The following SLC10A7 variants were observed in gnomAD, a reference collection of about 807,000 sequenced individuals.
SLC10A7 encodes the protein solute carrier family 10 member 7.
Under a neutral mutation model 43.2 loss-of-function variants are expected in SLC10A7, and 29 were observed. That is an observed-to-expected ratio of 0.67 (90% confidence interval 0.50 to 0.92). The LOEUF (loss-of-function observed/expected upper bound fraction) is 0.92. SLC10A7 is among the 40% of genes least tolerant of loss of function. The pLI is 0.00. For missense variants in SLC10A7, 295 were observed against 403.2 expected, an observed-to-expected ratio of 0.73 and a Z score of 2.30; for synonymous variants, 152 against 144.8, an observed-to-expected ratio of 1.05 and a Z score of -0.35.
Position 146,266,545 on chromosome 4 carries a change from G to C in SLC10A7, c.848-7708C>G, listed in dbSNP as rs77924232. On this transcript the variant is annotated intron_variant, in intron 10 of 11. Coordinates refer to ENST00000335472, the MANE Select transcript of SLC10A7 (RefSeq NM_001029998.6). ...GATTTATCTCAAATAACTAAACAAA[G>C]GGGCAATTATACATTTTTTAGAGTA... 1.4e-3 allele frequency among the ~76,000 whole-genome samples: 209 copies of C among 152,184 alleles called. 2 individuals carry two copies. The East Asian group carries it at 0.024, about 18-fold the overall frequency.
chr4:146,414,697 T>C (rs1206783269), intron 5 of SLC10A7, among the ~76,000 whole-genome samples: 1 of 149,384 alleles, frequency 6.7e-6, no homozygotes, highest in East Asian at 1.9e-4. Flanking sequence ...CATACCAGCC[T>C]GGGAGAAAAA....
At chr4:146,455,166 A>G (rs568306765) in intron 4 of SLC10A7, among the ~76,000 whole-genome samples, 69 of 151,978 alleles carry the variant, frequency 4.5e-4, no homozygotes, top group African/African-American at 1.5e-3. Context: ...ATAGAGTACC[A>G]ACTCACAGTC....
At chr4:146,486,390 C>T (rs1046196478) in intron 4 of SLC10A7, among the ~76,000 whole-genome samples, 6 of 152,094 alleles carry the variant, frequency 3.9e-5, no homozygotes, top group Admixed American at 2.0e-4. Flanking sequence ...AATCATTTAA[C>T]AAGCTATTTT....
intron 5 of SLC10A7, among the ~76,000 whole-genome samples, chr4:146,414,993 A>G (rs894735060): frequency 1.3e-5 from 2 of 152,196 alleles, no homozygotes; most frequent in Admixed American, 1.3e-4. Context: ...AGAGAAGGAT[A>G]GCTTAATAAT....
Position 146,325,946 on chromosome 4 carries a change from C to T in SLC10A7, c.471+15G>A, listed in dbSNP as rs1733073268. On this transcript the variant is annotated intron_variant, in intron 6 of 11. Transcript: ENST00000335472. ...TTTTAATAAAATATATTAAAGACAA[C>T]ATCAAAATACTCACAAAAAGCAGCA... 6.2e-7 allele frequency: 1 copy of T among 1,607,108 alleles called. No individual in the cohort carries two copies. Among genetic ancestry groups the T allele is most frequent in the Non-Finnish European group, 8.5e-7 (1 of 1,175,572 alleles).
intron 5 of SLC10A7, among the ~76,000 whole-genome samples, chr4:146,384,991 C>T (rs955907377): frequency 2.6e-5 from 4 of 152,126 alleles, no homozygotes; most frequent in African/African-American, 9.6e-5. Flanking sequence ...ATCAACTACC[C>T]TTACTGAAAA....
At position 146,258,769 on chromosome 4, in the gene SLC10A7, T is replaced by G; in HGVS notation, c.916A>C (p.Ile306Leu). 3.7e-6 allele frequency: 6 copies of G among 1,611,034 alleles called. No individual in the cohort carries two copies. The highest frequency in any genetic ancestry group is 5.1e-6 in the Non-Finnish European group (6 of 1,179,404). The change falls in exon 11 of 12, where the codon ATC becomes CTC. Residue 306 changes from isoleucine (I) to leucine (L), a missense_variant. Coordinates refer to ENST00000335472, the MANE Select transcript of SLC10A7 (RefSeq NM_001029998.6). ...HLSLISVPLL[I>L]YHPAQILLGS... is the part of the protein sequence containing the mutation. ...AGAAGGATCTGAGCTGGGTGGTAGA[T>G]GAGCAAGGGTACAGATATTAAAGAG...
intron 7 of SLC10A7, among the ~76,000 whole-genome samples, chr4:146,299,899 T>C (rs1731046357): frequency 6.6e-6 from 1 of 151,854 alleles, no homozygotes; most frequent in African/African-American, 2.4e-5. Flanking sequence ...GCAGGTAAAA[T>C]GGAGAGGTGA....
intron 6 of SLC10A7, among the ~76,000 whole-genome samples, chr4:146,308,089 G>A (rs912460526): frequency 3.9e-5 from 6 of 152,096 alleles, no homozygotes; most frequent in African/African-American, 1.4e-4. Flanking sequence ...TATGATCTCT[G>A]ATCCACTTGA....
chr4:146,341,366 C>G (rs1734249290), intron 5 of SLC10A7, among the ~76,000 whole-genome samples: 1 of 151,430 alleles, frequency 6.6e-6, no homozygotes, highest in South Asian at 2.1e-4. Context: ...TAGGCAAAAC[C>G]AAACCCCCCC....
intron 10 of SLC10A7, among the ~76,000 whole-genome samples, chr4:146,261,500 A>G (rs1013459137): frequency 5.9e-5 from 9 of 152,250 alleles, no homozygotes; most frequent in African/African-American, 1.7e-4. Flanking sequence ...GCTTTCCAAC[A>G]CTATTTAATC....
intron 10 of SLC10A7, among the ~76,000 whole-genome samples, chr4:146,266,106 A>C (rs1728535494): frequency 6.6e-6 from 1 of 152,190 alleles, no homozygotes. Context: ...AGCTGCTGGC[A>C]AATCTGGAAT....
intron 5 of SLC10A7, among the ~76,000 whole-genome samples, chr4:146,436,615 A>G (rs1253150021): frequency 6.6e-6 from 1 of 152,068 alleles, no homozygotes; most frequent in Non-Finnish European, 1.5e-5. Context: ...CAAAGTATAA[A>G]TGAAAACAAG....
chr4:146,417,248 A>T (rs1273454638), intron 5 of SLC10A7, among the ~76,000 whole-genome samples: 1 of 152,232 alleles, frequency 6.6e-6, no homozygotes, highest in Non-Finnish European at 1.5e-5. Context: ...GGTGAAGAAG[A>T]TGGCACAGGA....
intron 5 of SLC10A7, among the ~76,000 whole-genome samples, chr4:146,338,874 G>A (rs1734067896): frequency 6.6e-6 from 1 of 151,970 alleles, no homozygotes; most frequent in African/African-American, 2.4e-5. Context: ...TTAGAGGAAG[G>A]TTTTTAAAAG....
intron 5 of SLC10A7, among the ~76,000 whole-genome samples, chr4:146,338,135 G>C (rs1166058196): frequency 1.3e-5 from 2 of 151,942 alleles, no homozygotes; most frequent in Non-Finnish European, 2.9e-5. Flanking sequence ...AAGAACAAAT[G>C]AATAGATGAA....
chr4:146,393,680 A>G (rs1244998807), intron 5 of SLC10A7, among the ~76,000 whole-genome samples: 1 of 152,242 alleles, frequency 6.6e-6, no homozygotes, highest in Non-Finnish European at 1.5e-5. Flanking sequence ...ACCTTAAAAG[A>G]GTTCAAGATA....
At chr4:146,308,837 T>C (rs1197572763) in intron 6 of SLC10A7, among the ~76,000 whole-genome samples, 1 of 152,138 alleles carries the variant, frequency 6.6e-6, no homozygotes, top group Non-Finnish European at 1.5e-5. Flanking sequence ...GGTTTCTTTG[T>C]TTTACTATCC....
intron 10 of SLC10A7, among the ~76,000 whole-genome samples, chr4:146,265,736 A>C (rs1427115641): frequency 1.3e-5 from 2 of 152,220 alleles, no homozygotes; most frequent in East Asian, 3.8e-4. Context: ...GATTTAGAAC[A>C]AATACTAGTT....
Sources: gnomAD v4.1 joint callset for allele counts (sites outside exome capture counted in the v4.1 genomes callset) on GRCh38, gnomAD v4.1.1 for gene constraint, MANE v1.5 for transcripts, NCBI Gene and HGNC (gene_info 2026-07-23, HGNC 2026-07-21) for gene names.